VWC2: variants seen among roughly 807,000 people sequenced by gnomAD.
VWC2 encodes the protein von Willebrand factor C domain containing 2, also known as brorin.
In VWC2, 14 loss-of-function variants were observed where a neutral mutation model predicts 29.8. That is an observed-to-expected ratio of 0.47 (90% CI 0.31 to 0.74). The LOEUF (loss-of-function observed/expected upper bound fraction) is 0.74, where lower values mean the gene tolerates loss of function less well. Among genes scored for constraint, VWC2 ranks in the 30% least tolerant of loss-of-function variants. VWC2 has a pLI of 0.05. For synonymous variants in VWC2, 213 were observed against 199.0 expected, an observed-to-expected ratio of 1.07 and a Z score of -0.59; for missense variants, 457 against 459.8, an observed-to-expected ratio of 0.99 and a Z score of 0.05.
intron 3 of VWC2, among the ~76,000 whole-genome samples, chr7:49,840,021 G>T (rs111510594): frequency 6.6e-6 from 1 of 152,160 alleles, no homozygotes; most frequent in Non-Finnish European, 1.5e-5. Context: ...GTGCTGGGAC[G>T]TGTCTATCTC....
In VWC2 at chr7:49,915,121, G is replaced by A. The variant is rs1193159255; in HGVS notation, c.*2936G>A. 3 of 152,162 alleles carry A rather than the reference G, an allele frequency of 2.0e-5. No individual in the cohort carries two copies. The highest frequency in any genetic ancestry group is 4.4e-5 in the Non-Finnish European group (3 of 68,024). 9.4% of individuals were successfully genotyped at this position (152,162 alleles called of 1,614,324 possible). Reference sequence around the variant, plus strand: ...GTTAAATTCATTCTTTCAGTGATAGGATATTTACTTGTTGGGTGGATTAAC... The same window carrying A: ...GTTAAATTCATTCTTTCAGTGATAGAATATTTACTTGTTGGGTGGATTAAC... On this transcript the variant is annotated 3_prime_UTR_variant, in exon 4 of 4. Coordinates refer to ENST00000340652, the MANE Select transcript of VWC2 (RefSeq NM_198570.5).
At chr7:49,792,731 C>T (rs774569184) in intron 2 of VWC2, among the ~76,000 whole-genome samples, 11 of 152,258 alleles carry the variant, frequency 7.2e-5, no homozygotes, top group Non-Finnish European at 1.2e-4. Flanking sequence ...TTGCATTTTC[C>T]CTCGGGCTTG....
At chr7:49,785,188 T>TATAATTA (rs145606734) in intron 2 of VWC2, among the ~76,000 whole-genome samples, 3,950 of 152,176 alleles carry the variant, frequency 0.026, 173 homozygotes, top group African/African-American at 0.089. Flanking sequence ...GTAGACTAGA[T>TATAATTA]GCAGTTTAAG....
chr7:49,884,766 C>T (rs1273066578), intron 3 of VWC2, among the ~76,000 whole-genome samples: 6 of 151,016 alleles, frequency 4.0e-5, no homozygotes, highest in Admixed American at 6.6e-5. Flanking sequence ...CACTCATAAA[C>T]GGGGAAAAAA....
intron 2 of VWC2, among the ~76,000 whole-genome samples, chr7:49,792,396 G>C (rs987264399): frequency 6.6e-6 from 1 of 152,220 alleles, no homozygotes; most frequent in Non-Finnish European, 1.5e-5. Context: ...CTCTCCCGCT[G>C]TGTGCATTTA....
chr7:49,877,507 T>TATAGATATATATATATAG (rs1791485192), intron 3 of VWC2, among the ~76,000 whole-genome samples: 4 of 90,318 alleles, frequency 4.4e-5, no homozygotes, highest in Non-Finnish European at 9.3e-5. Context: ...TATATATATA[T>TATAGATATATATATATAG]ATATATATAT....
intron 2 of VWC2, among the ~76,000 whole-genome samples, chr7:49,782,688 T>C (rs1213333180): frequency 1.5e-5 from 2 of 133,652 alleles, no homozygotes; most frequent in Admixed American, 7.4e-5. Flanking sequence ...CTACAACAAA[T>C]TGAAAAAAAA....
Position 49,775,680 on chromosome 7 carries a change from G to T in VWC2, c.245G>T (p.Arg82Leu). The change falls in exon 2 of 4, where the codon CGT becomes CTT. Residue 82 changes from arginine to leucine, a missense_variant. Arg to Leu is a moderately radical substitution (Grantham distance 102, BLOSUM62 -2). Around this residue, in one of 2 missense-constraint regions of VWC2, gnomAD observed 272 missense variants for 202.7 expected, o/e 1.34. Coordinates refer to ENST00000340652, the MANE Select transcript of VWC2 (RefSeq NM_198570.5). ...CGGGACTGGAAGAGCAAGAGCGGCC[G>T]TGGGCTCGCCGGCCGTGAGCCGTGG... Reference protein sequence around the residue: ...SGRDWKSKSGRGLAGREPWSK... With the variant: ...SGRDWKSKSGLGLAGREPWSK... The T allele has an allele frequency of 1.3e-6, 2 of 1,524,494 alleles. No homozygotes were observed. The highest frequency in any genetic ancestry group is 8.8e-7 in the Non-Finnish European group (1 of 1,139,228). The allele number at this position is 1,524,494 out of a possible 1,614,324, so 94.4% of individuals were successfully genotyped here.
chr7:49,842,971 G>C (rs1366802382), intron 3 of VWC2, among the ~76,000 whole-genome samples: 3 of 152,102 alleles, frequency 2.0e-5, no homozygotes, highest in African/African-American at 7.2e-5. Context: ...GTGATGCTGA[G>C]GTTTGGGGTA....
chr7:49,867,379 T>C (rs572488534), intron 3 of VWC2, among the ~76,000 whole-genome samples: 1 of 152,282 alleles, frequency 6.6e-6, no homozygotes, highest in South Asian at 2.1e-4. Flanking sequence ...AGCTGCTCCC[T>C]AGCACAGAGA....
chr7:49,877,770 C>T (rs1265552589), intron 3 of VWC2, among the ~76,000 whole-genome samples: 2 of 150,738 alleles, frequency 1.3e-5, no homozygotes, highest in Non-Finnish European at 3.0e-5. Flanking sequence ...TTTATCTAAG[C>T]CATATTATTA....
At chr7:49,855,200 C>G (rs902202256) in intron 3 of VWC2, among the ~76,000 whole-genome samples, 1 of 152,208 alleles carries the variant, frequency 6.6e-6, no homozygotes, top group South Asian at 2.1e-4. Context: ...AAAGGCAAAT[C>G]TTTCTTTTTC....
At chr7:49,846,831 G>A (rs530488862) in intron 3 of VWC2, among the ~76,000 whole-genome samples, 2 of 152,296 alleles carry the variant, frequency 1.3e-5, no homozygotes, top group South Asian at 4.1e-4. Flanking sequence ...TCATTTGACA[G>A]CCAGAGAAGT....
chr7:49,827,833 G>GCAAT (rs1049380140), intron 3 of VWC2, among the ~76,000 whole-genome samples: 1 of 152,038 alleles, frequency 6.6e-6, no homozygotes, highest in Non-Finnish European at 1.5e-5. Context: ...ACTGTAAAAT[G>GCAAT]CAATACTTAC....
At chr7:49,795,856 G>A (rs1451277093) in intron 2 of VWC2, among the ~76,000 whole-genome samples, 3 of 152,168 alleles carry the variant, frequency 2.0e-5, no homozygotes, top group Non-Finnish European at 4.4e-5. Flanking sequence ...GTTGCACTGA[G>A]TCTAGGTCAC....
intron 3 of VWC2, among the ~76,000 whole-genome samples, chr7:49,862,411 G>A (rs1327136523): frequency 2.6e-5 from 4 of 152,052 alleles, no homozygotes; most frequent in East Asian, 1.9e-4. Flanking sequence ...CATACTAACC[G>A]TGAATAGAGA....
intron 3 of VWC2, chr7:49,850,395 C>T (rs1790128758): frequency 6.6e-6 from 1 of 152,248 alleles, no homozygotes; most frequent in South Asian, 2.1e-4. Flanking sequence ...CATAGCTTCA[C>T]ATCCAGTGTA....
intron 3 of VWC2, among the ~76,000 whole-genome samples, chr7:49,851,331 T>A (rs1790171976): frequency 6.6e-6 from 1 of 152,214 alleles, no homozygotes; most frequent in Admixed American, 6.5e-5. Context: ...AAATAAGGCC[T>A]CATTCATGGG....
intron 2 of VWC2, among the ~76,000 whole-genome samples, chr7:49,781,394 T>C (rs1788174483): frequency 6.6e-6 from 1 of 152,202 alleles, no homozygotes. Flanking sequence ...ATTAACACCA[T>C]AATCTTTTAC....
Sources: allele counts gnomAD v4.1 joint callset (sites outside exome capture counted in the v4.1 genomes callset), GRCh38; gene constraint gnomAD v4.1.1; regional missense constraint gnomAD v4.1.1; transcripts MANE v1.5; gene names NCBI Gene and HGNC (gene_info 2026-07-23, HGNC 2026-07-21).